KCNQ1OT1: variants seen among roughly 807,000 people sequenced by gnomAD.
KCNQ1OT1 encodes KCNQ1 opposite strand/antisense transcript 1.
exon 1 of KCNQ1OT1, chr11:2,628,670 T>C (rs182079422): frequency 1.5e-5 from 6 of 398,436 alleles, no homozygotes; most frequent in African/African-American, 1.2e-4. Context: ...TTGCGTTTTA[T>C]TCCTTGTGCT....
chr11:2,653,698 ACGAGGT>A lies in KCNQ1OT1; in HGVS notation n.46291_46296del, dbSNP rs1197169538. ...TCAACAGCTCAGGAAGCCCAGCAGA[ACGAGGT>A]CATCTCTTCCAGGATTCCTGCCAGA... On this transcript the variant is annotated non_coding_transcript_exon_variant, in exon 1 of 1. Transcript: ENST00000597346. The surrounding 1 kb of genome is among the most constrained non-coding windows in gnomAD (Gnocchi z 5.3). The A allele has an allele frequency of 7.5e-6, 3 of 398,602 alleles. No homozygotes were observed. Among genetic ancestry groups the A allele is most frequent in the Non-Finnish European group, 1.3e-5 (3 of 226,108 alleles). The allele number at this position is 398,602 out of a possible 1,614,324, so 24.7% of individuals were successfully genotyped here. A position where few individuals can be genotyped will look rare whatever the true frequency, so the allele number is the denominator to read the frequency against.
rs953463902 is a variant in KCNQ1OT1, at chr11:2,611,999, T to C, written n.87996A>G. On this transcript the variant is annotated non_coding_transcript_exon_variant, in exon 1 of 1. Transcript: ENST00000597346. This position sits in a 1 kb window ranked among gnomAD's most constrained non-coding sequence, Gnocchi z 5.3. ...CCTTCTCAGTACTCTTATTAACACA[T>C]ATGTTGTTACTCCTTAATTCCACAT... 1.0e-5 allele frequency: 4 copies of C among 398,684 alleles called. No homozygotes were observed. The highest frequency in any genetic ancestry group is 2.1e-5 in the African/African-American group (1 of 48,776). The allele number at this position is 398,684 out of a possible 1,614,324, so 24.7% of individuals were successfully genotyped here.
At position 2,613,094 on chromosome 11, in the gene KCNQ1OT1, C is replaced by T; in HGVS notation, n.86901G>A. On this transcript the variant is annotated non_coding_transcript_exon_variant, in exon 1 of 1. Transcript: ENST00000597346. This position sits in a 1 kb window ranked among gnomAD's most constrained non-coding sequence, Gnocchi z 4.8. ...AGTGGTCAAGCCATGATTAGTCAGA[C>T]ATTTGTTTAAACATCTTGAGCCAGT... is the stretch of plus-strand genomic sequence containing the variant. 1 of 398,624 alleles carries T rather than the reference C, an allele frequency of 2.5e-6. No homozygotes were observed. Among genetic ancestry groups the T allele is most frequent in the Non-Finnish European group, 4.4e-6 (1 of 226,084 alleles). The allele number at this position is 398,624 out of a possible 1,614,324, so 24.7% of individuals were successfully genotyped here. A position where few individuals can be genotyped will look rare whatever the true frequency, so the allele number is the denominator to read the frequency against.
Position 2,661,379 on chromosome 11 carries a change from T to C in KCNQ1OT1, n.38616A>G, listed in dbSNP as rs2133855089. The C allele has an allele frequency of 2.5e-6, 1 of 408,052 alleles. No individual in the cohort carries two copies. Among genetic ancestry groups the C allele is most frequent in the Non-Finnish European group, 4.3e-6 (1 of 231,110 alleles). 25.3% of individuals were successfully genotyped at this position (408,052 alleles called of 1,614,324 possible). On this transcript the variant is annotated non_coding_transcript_exon_variant, in exon 1 of 1. Coordinates refer to ENST00000597346, the Ensembl canonical transcript of KCNQ1OT1. The surrounding 1 kb of genome is among the most constrained non-coding windows in gnomAD (Gnocchi z 5.9). ...GCAGAGGTGGGCCCAGGAATCATAATGTGAAGCCAGCTGTTGGAGGGACTC... is the reference window on the plus strand; with the variant it reads ...GCAGAGGTGGGCCCAGGAATCATAACGTGAAGCCAGCTGTTGGAGGGACTC...
rs1250366433 is a variant in KCNQ1OT1, at chr11:2,652,701, CTT to C, written n.47292_47293del. ...GTTGTGTGGGTGGCTGTGTTGCTCT[CTT>C]TCCGTTTCCTGGGCTCACTCACGCT... is the stretch of plus-strand genomic sequence containing the variant. On this transcript the variant is annotated non_coding_transcript_exon_variant, in exon 1 of 1. Coordinates refer to ENST00000597346, the Ensembl canonical transcript of KCNQ1OT1. This position sits in a 1 kb window ranked among gnomAD's most constrained non-coding sequence, Gnocchi z 5.9. 4 of 398,806 alleles carry C rather than the reference CTT, an allele frequency of 1.0e-5. No individual in the cohort carries two copies. The highest frequency in any genetic ancestry group is 6.2e-5 in the African/African-American group (3 of 48,652). 24.7% of individuals were successfully genotyped at this position (398,806 alleles called of 1,614,324 possible).
chr11:2,698,585 G>T lies in KCNQ1OT1; in HGVS notation n.1410C>A, dbSNP rs1229672981. 7.5e-6 allele frequency: 3 copies of T among 397,624 alleles called. No homozygotes were observed. Among genetic ancestry groups the T allele is most frequent in the Admixed American group, 4.4e-5 (1 of 22,634 alleles). The allele number at this position is 397,624 out of a possible 1,614,324, so 24.6% of individuals were successfully genotyped here. A position where few individuals can be genotyped will look rare whatever the true frequency, so the allele number is the denominator to read the frequency against. On this transcript the variant is annotated non_coding_transcript_exon_variant, in exon 1 of 1. Coordinates refer to ENST00000597346, the Ensembl canonical transcript of KCNQ1OT1. The surrounding 1 kb of genome is among the most constrained non-coding windows in gnomAD (Gnocchi z 5.1). Reference sequence around the variant, plus strand: ...ATTCCTGACTCAGAATCCCCACCTAGAGGCAGAACTTCGACTTCAATTCCT... The same window carrying T: ...ATTCCTGACTCAGAATCCCCACCTATAGGCAGAACTTCGACTTCAATTCCT...
chr11:2,693,783 G>A (rs953397473), exon 1 of KCNQ1OT1: 51 of 398,712 alleles, frequency 1.3e-4, no homozygotes, highest in African/African-American at 9.3e-4. Context: ...GGGCCGGCCA[G>A]TTCAGAGGAG....
At chr11:2,697,408 A>G in exon 1 of KCNQ1OT1, 1 of 398,592 alleles carries the variant, frequency 2.5e-6, no homozygotes, top group Non-Finnish European at 4.4e-6. Context: ...GGGTATGGCC[A>G]GGATGACATC....
chr11:2,643,442 C>T (rs1049196526), exon 1 of KCNQ1OT1: 1 of 398,266 alleles, frequency 2.5e-6, no homozygotes. Context: ...TTTAGCTTAA[C>T]CTTTGTTTTA....
exon 1 of KCNQ1OT1, chr11:2,685,469 C>A (rs1850471118): frequency 5.0e-6 from 2 of 398,722 alleles, no homozygotes; most frequent in Non-Finnish European, 8.8e-6. Flanking sequence ...CAGTGCAACT[C>A]CCATCTCACA....
In KCNQ1OT1 at chr11:2,620,024, C is replaced by T. The variant is rs551484149; in HGVS notation, n.79971G>A. The T allele has an allele frequency of 5.0e-6, 2 of 398,118 alleles. No individual in the cohort carries two copies. Among genetic ancestry groups the T allele is most frequent in the East Asian group, 3.6e-5 (1 of 28,028 alleles). The allele number at this position is 398,118 out of a possible 1,614,324, so 24.7% of individuals were successfully genotyped here. A position where few individuals can be genotyped will look rare whatever the true frequency, so the allele number is the denominator to read the frequency against. On this transcript the variant is annotated non_coding_transcript_exon_variant, in exon 1 of 1. Coordinates refer to ENST00000597346, the Ensembl canonical transcript of KCNQ1OT1. This position sits in a 1 kb window ranked among gnomAD's most constrained non-coding sequence, Gnocchi z 4.5. ...TTTCAGCCCACCTCTCCATTCCTCC[C>T]CCAAGTAGTCCCCAGTGTCTACTGA...
At chr11:2,618,285 A>G (rs1849102522) in exon 1 of KCNQ1OT1, 1 of 398,598 alleles carries the variant, frequency 2.5e-6, no homozygotes, top group South Asian at 1.3e-4. Flanking sequence ...AAAATACACT[A>G]ACAATAACAA....
At position 2,687,168 on chromosome 11, in the gene KCNQ1OT1, A is replaced by C. The variant is rs913076584; in HGVS notation, n.12827T>G. On this transcript the variant is annotated non_coding_transcript_exon_variant, in exon 1 of 1. Transcript: ENST00000597346. This position sits in a 1 kb window ranked among gnomAD's most constrained non-coding sequence, Gnocchi z 5.0. The stretch of plus-strand genomic sequence containing the variant: ...AGCCAGCTTCCTCCACAAAGCACAG[A>C]AGTCTGCCAAAAGCCCAGGCTGGAT... 2 of 398,440 alleles carry C rather than the reference A, an allele frequency of 5.0e-6. No homozygotes were observed. The highest frequency in any genetic ancestry group is 8.8e-6 in the Non-Finnish European group (2 of 226,066). The allele number at this position is 398,440 out of a possible 1,614,324, so 24.7% of individuals were successfully genotyped here.
exon 1 of KCNQ1OT1, chr11:2,631,087 C>G (rs1030086423): frequency 2.5e-6 from 1 of 398,384 alleles, no homozygotes; most frequent in African/African-American, 2.1e-5. Flanking sequence ...AATTGTAATT[C>G]TTTGAGCTTC....
At position 2,611,506 on chromosome 11, in the gene KCNQ1OT1, C is replaced by A. The variant is rs978892217; in HGVS notation, n.88489G>T. On this transcript the variant is annotated non_coding_transcript_exon_variant, in exon 1 of 1. Transcript: ENST00000597346. The surrounding 1 kb of genome is among the most constrained non-coding windows in gnomAD (Gnocchi z 5.3). ...GGATTACAGGTGTGAGCCACTGCAC[C>A]CAGCCAATTTTGTCTGATTTTAGTA... 2 of 398,264 alleles carry A rather than the reference C, an allele frequency of 5.0e-6. No homozygotes were observed. Among genetic ancestry groups the A allele is most frequent in the African/African-American group, 4.1e-5 (2 of 48,620 alleles). The allele number at this position is 398,264 out of a possible 1,614,324, so 24.7% of individuals were successfully genotyped here.
chr11:2,690,011 A>G lies in KCNQ1OT1; in HGVS notation n.9984T>C. 2.5e-6 allele frequency: 1 copy of G among 398,904 alleles called. No homozygotes were observed. 24.7% of individuals were successfully genotyped at this position (398,904 alleles called of 1,614,324 possible). A position where few individuals can be genotyped will look rare whatever the true frequency, so the allele number is the denominator to read the frequency against. On this transcript the variant is annotated non_coding_transcript_exon_variant, in exon 1 of 1. Coordinates refer to ENST00000597346, the Ensembl canonical transcript of KCNQ1OT1. The surrounding 1 kb of genome is among the most constrained non-coding windows in gnomAD (Gnocchi z 5.1). ...TGCCCAAGCAGAGAACTGTTGAGGA[A>G]GGTGAGCCTTCCGAGGGCCAGCCCT...
chr11:2,630,281 T>G (rs1041085838), exon 1 of KCNQ1OT1: 9 of 398,178 alleles, frequency 2.3e-5, no homozygotes, highest in African/African-American at 1.6e-4. Context: ...TGATATATGA[T>G]TTTTTTAATG....
Position 2,671,098 on chromosome 11 carries a change from TAGTCTGAGC to T in KCNQ1OT1, n.28888_28896del. The T allele has an allele frequency of 7.9e-6, 1 of 126,222 alleles. No homozygotes were observed. The highest frequency in any genetic ancestry group is 1.1e-5 in the Non-Finnish European group (1 of 87,378). The allele number at this position is 126,222 out of a possible 1,614,324, so 7.8% of individuals were successfully genotyped here. ...GGCTAGCAGGAGGAAGTCTGGCAGT[TAGTCTGAGC>T]AGTTAGTCTGTCAGGCCTGGTTGGT... On this transcript the variant is annotated non_coding_transcript_exon_variant, in exon 1 of 1. Transcript: ENST00000597346. The surrounding 1 kb of genome is among the most constrained non-coding windows in gnomAD (Gnocchi z 4.7).
chr11:2,665,922 G>T (rs1850059000), exon 1 of KCNQ1OT1: 1 of 398,496 alleles, frequency 2.5e-6, no homozygotes, highest in African/African-American at 2.1e-5. Flanking sequence ...AGCAACCCTG[G>T]GAGGCTGAAA....
Sources: gnomAD v4.1 joint callset for allele counts on GRCh38, gnomAD v4.1.1 for gene constraint, Gnocchi (gnomAD v3.1) non-coding constraint, MANE v1.5 for transcripts, NCBI Gene and HGNC (gene_info 2026-07-23, HGNC 2026-07-21) for gene names.